The following PRPF39 variants were observed in gnomAD, a reference collection of about 807,000 sequenced individuals.
PRPF39 encodes pre-mRNA processing factor 39, also known as pre-mRNA-processing factor 39.
In PRPF39, 27 loss-of-function variants were observed where a neutral mutation model predicts 82.1. That is an observed-to-expected ratio of 0.33 (90% CI 0.24 to 0.45). PRPF39 has a LOEUF of 0.45. PRPF39 is among the 20% of genes least tolerant of loss of function. The probability of loss-of-function intolerance (pLI) is 1.00; values close to 1 mark genes in which losing one functional copy is unlikely to be tolerated. For synonymous variants in PRPF39, 261 were observed against 256.4 expected (o/e 1.02, Z -0.17); for missense variants, 581 against 796.9 (o/e 0.73, Z 3.26).
At chr14:45,111,714 C>G (rs1039896817) in intron 10 of PRPF39, among the ~76,000 whole-genome samples, 4 of 143,902 alleles carry the variant, frequency 2.8e-5, no homozygotes, top group Non-Finnish European at 6.0e-5. Flanking sequence ...TCTCAGCTCA[C>G]TGCAGCTTCC....
chr14:45,112,992 C>G (rs946968324), intron 11 of PRPF39, among the ~76,000 whole-genome samples: 1 of 152,114 alleles, frequency 6.6e-6, no homozygotes, highest in Non-Finnish European at 1.5e-5. Flanking sequence ...AGAGAATGCT[C>G]CAGTGGATTT....
At chr14:45,093,169 A>G (rs1210134459) in intron 1 of PRPF39, among the ~76,000 whole-genome samples, 1 of 152,102 alleles carries the variant, frequency 6.6e-6, no homozygotes, top group Non-Finnish European at 1.5e-5. Flanking sequence ...ATTTTTCTGT[A>G]TCAATACAGA....
Position 45,110,229 on chromosome 14 carries a change from G to A in PRPF39, c.1303+9G>A. 2 of 1,610,784 alleles carry A rather than the reference G, an allele frequency of 1.2e-6. No homozygotes were observed. Among genetic ancestry groups the A allele is most frequent in the Non-Finnish European group, 1.7e-6 (2 of 1,178,850 alleles). On this transcript the variant is annotated intron_variant, in intron 9 of 13. Transcript: ENST00000355765. This position sits in a 1 kb window ranked among gnomAD's most constrained non-coding sequence, Gnocchi z 4.0. ...TTTTGAGGAACAGCAGGGTAAGAGT[G>A]GAGAAATTCAGTTGACATTTTTGAG... is the stretch of plus-strand genomic sequence containing the variant.
rs781637438 is a variant in PRPF39, at chr14:45,114,535, C to G, written c.1874C>G (p.Thr625Arg). The G allele has an allele frequency of 1.9e-6, 3 of 1,593,778 alleles. No homozygotes were observed. In the East Asian group the frequency reaches 6.7e-5, roughly 36 times the overall value. The change falls in exon 13 of 14, where the codon ACA becomes AGA. Residue 625 changes from threonine (T) to arginine (R), a missense_variant. Coordinates refer to ENST00000355765, the MANE Select transcript of PRPF39 (RefSeq NM_017922.4). ...PEEKKAHTED[T>R]TSSSTQMIDG... is the part of the protein sequence containing the mutation. ...GAAAAGAAAGCACATACAGAAGATA[C>G]AACTTCATCATCTACACAGATGATT...
At chr14:45,097,987 G>A (rs1425141108) in intron 4 of PRPF39, among the ~76,000 whole-genome samples, 1 of 152,118 alleles carries the variant, frequency 6.6e-6, no homozygotes, top group Non-Finnish European at 1.5e-5. Flanking sequence ...GTTAGCTGTA[G>A]ACATTATGTA....
chr14:45,111,457 C>T (rs1884693059), intron 10 of PRPF39, among the ~76,000 whole-genome samples: 1 of 151,906 alleles, frequency 6.6e-6, no homozygotes, highest in Non-Finnish European at 1.5e-5. Context: ...GCCTCAGCCT[C>T]CCGAGTAGCT....
In PRPF39 at chr14:45,095,209, G is replaced by T. The variant is rs76134963; in HGVS notation, c.-19-12G>T. The T allele has an allele frequency of 1.1e-3, 1,565 of 1,464,384 alleles. 20 individuals are homozygous for T. The African/African-American group carries it at 0.019, about 18-fold the overall frequency. 90.7% of individuals were successfully genotyped at this position (1,464,384 alleles called of 1,614,324 possible). On this transcript the variant is annotated splice_polypyrimidine_tract_variant and intron_variant, in intron 1 of 13. Coordinates refer to ENST00000355765, the MANE Select transcript of PRPF39 (RefSeq NM_017922.4). The stretch of plus-strand genomic sequence containing the variant: ...TTTGGAAGATATTTCTCTTTTTTTC[G>T]TGTTTCCACAGATCGTTAACTGAAG...
At chr14:45,086,129 C>T (rs555632875) in intron 1 of PRPF39, among the ~76,000 whole-genome samples, 5 of 152,104 alleles carry the variant, frequency 3.3e-5, no homozygotes, top group Admixed American at 6.6e-5. Context: ...TTAGTAGAAA[C>T]GGGGTTTCAC....
At chr14:45,103,731 A>T (rs1884445455) in intron 5 of PRPF39, among the ~76,000 whole-genome samples, 1 of 152,176 alleles carries the variant, frequency 6.6e-6, no homozygotes, top group Admixed American at 6.5e-5. Flanking sequence ...AGATGTTAAC[A>T]CAAGTAAGAA....
intron 6 of PRPF39, 24 bp downstream of exon 6, chr14:45,107,640 C>G: frequency 6.5e-7 from 1 of 1,543,830 alleles, no homozygotes. Context: ...TTCTAAAGTT[C>G]GTCAGTGGCC....
intron 1 of PRPF39, among the ~76,000 whole-genome samples, chr14:45,090,168 A>G (rs1432656849): frequency 6.6e-6 from 1 of 152,226 alleles, no homozygotes; most frequent in Non-Finnish European, 1.5e-5. Flanking sequence ...TGCATTTGGA[A>G]AATTAATCTT....
chr14:45,096,368 T>G (rs1367821748), intron 3 of PRPF39, 140 bp downstream of exon 3: 4 of 1,530,896 alleles, frequency 2.6e-6, no homozygotes, highest in Non-Finnish European at 3.5e-6. Context: ...GGGTATTTAT[T>G]TGCATTTGTC....
Position 45,116,280 on chromosome 14 carries a change from T to C in PRPF39, c.*1367T>C. The C allele has an allele frequency of 6.3e-7, 1 of 1,585,010 alleles. No homozygotes were observed. The highest frequency in any genetic ancestry group is 8.7e-7 in the Non-Finnish European group (1 of 1,153,870). On this transcript the variant is annotated 3_prime_UTR_variant, in exon 14 of 14. Coordinates refer to ENST00000355765, the MANE Select transcript of PRPF39 (RefSeq NM_017922.4). ...GTTGAAGAAGTCAAGGTACATTTGA[T>C]AAAAAGTGCCTCTCCCCTACCCCCA...
chr14:45,113,026 A>T (rs2139068626), intron 11 of PRPF39, among the ~76,000 whole-genome samples: 1 of 152,336 alleles, frequency 6.6e-6, no homozygotes, highest in African/African-American at 2.4e-5. Flanking sequence ...GTTTAAGATT[A>T]AATTTACTAA....
At chr14:45,092,933 CT>C (rs1425949886) in intron 1 of PRPF39, among the ~76,000 whole-genome samples, 5 of 151,772 alleles carry the variant, frequency 3.3e-5, no homozygotes, top group Admixed American at 3.3e-4. Context: ...ATCCAGTCAA[CT>C]TATAGCTGGC....
chr14:45,107,111 T>C (rs927873444), intron 5 of PRPF39, among the ~76,000 whole-genome samples: 4 of 152,182 alleles, frequency 2.6e-5, no homozygotes, highest in African/African-American at 9.7e-5. Flanking sequence ...TATCATCTTA[T>C]TTTACAATTG....
chr14:45,114,827 T>C (rs765041862), intron 13 of PRPF39, 30 bp from the exon 14 acceptor site: 1 of 1,544,636 alleles, frequency 6.5e-7, no homozygotes, highest in Non-Finnish European at 8.9e-7. Flanking sequence ...ACAGTTCTAA[T>C]ATGCTAACAT....
Position 45,115,128 on chromosome 14 carries a change from A to G in PRPF39, c.*215A>G. 1 of 354,188 alleles carries G rather than the reference A, an allele frequency of 2.8e-6. No homozygotes were observed. Among genetic ancestry groups the G allele is most frequent in the Non-Finnish European group, 5.1e-6 (1 of 194,638 alleles). 21.9% of individuals were successfully genotyped at this position (354,188 alleles called of 1,614,324 possible). On this transcript the variant is annotated 3_prime_UTR_variant, in exon 14 of 14. Coordinates refer to ENST00000355765, the MANE Select transcript of PRPF39 (RefSeq NM_017922.4). ...CATTTATAAAATTTACTTTTTATTGAAAAACTATTTTTTGATTTTTGCATT... is the reference window on the plus strand; with the variant it reads ...CATTTATAAAATTTACTTTTTATTGGAAAACTATTTTTTGATTTTTGCATT...
intron 5 of PRPF39, among the ~76,000 whole-genome samples, chr14:45,106,082 G>A (rs1217838183): frequency 6.6e-6 from 1 of 152,064 alleles, no homozygotes; most frequent in Non-Finnish European, 1.5e-5. Context: ...GGGCACGGTG[G>A]CTCACACCTG....
Sources: gnomAD v4.1 joint callset for allele counts (sites outside exome capture counted in the v4.1 genomes callset) on GRCh38, gnomAD v4.1.1 for gene constraint, Gnocchi (gnomAD v3.1) non-coding constraint, MANE v1.5 for transcripts, NCBI Gene and HGNC (gene_info 2026-07-23, HGNC 2026-07-21) for gene names.